The following MBP variants were observed in gnomAD, a reference collection of about 807,000 sequenced individuals.
MBP encodes myelin basic protein, also known as Golli-MBP.
A neutral mutation model predicts 35.8 loss-of-function variants in MBP; 16 were observed. The ratio of observed to expected loss-of-function variants is 0.45; its 90% confidence interval spans 0.30 to 0.68. The LOEUF is 0.68. Ranked by LOEUF, MBP falls within the 30% of genes least tolerant of loss-of-function variation. MBP has a pLI of 0.08. For missense variants in MBP, 380 were observed against 404.7 expected (o/e 0.94, Z 0.52); for synonymous variants, 143 against 159.6 (o/e 0.90, Z 0.78).
At chr18:77,043,634 G>A (rs73486820) in intron 3 of MBP, among the ~76,000 whole-genome samples, 15,811 of 152,250 alleles carry the variant, frequency 0.1, 1,138 homozygotes, top group East Asian at 0.26. Context: ...CAAATGCAGT[G>A]TATGAAATGT....
At chr18:77,040,332 T>C (rs1326469331) in intron 3 of MBP, among the ~76,000 whole-genome samples, 1 of 152,160 alleles carries the variant, frequency 6.6e-6, no homozygotes, top group Non-Finnish European at 1.5e-5. Flanking sequence ...GAAGAATCAA[T>C]ATCGTGAAAA....
intron 1 of MBP, chr18:77,109,480 G>A (rs571525724): frequency 1.3e-5 from 2 of 152,364 alleles, no homozygotes; most frequent in South Asian, 4.1e-4. Context: ...CGCCAGACAA[G>A]TATTCAAATA....
intron 2 of MBP, among the ~76,000 whole-genome samples, chr18:77,104,982 G>T (rs1442234947): frequency 6.6e-6 from 1 of 151,846 alleles, no homozygotes; most frequent in Admixed American, 6.6e-5. Context: ...TGCAAGGTCA[G>T]GATGTACCTA....
At chr18:76,996,100 T>C (rs1970252319) in intron 4 of MBP, among the ~76,000 whole-genome samples, 1 of 152,158 alleles carries the variant, frequency 6.6e-6, no homozygotes, top group Admixed American at 6.5e-5. Flanking sequence ...TTCAGCATCA[T>C]CATTAGCATC....
chr18:77,104,036 A>G (rs1427498505), intron 2 of MBP, among the ~76,000 whole-genome samples: 1 of 152,232 alleles, frequency 6.6e-6, no homozygotes, highest in Non-Finnish European at 1.5e-5. Flanking sequence ...GTTCCCTGAC[A>G]AGGGTTACGA....
At chr18:77,079,492 C>G (rs1430600551) in intron 2 of MBP, among the ~76,000 whole-genome samples, 1 of 152,228 alleles carries the variant, frequency 6.6e-6, no homozygotes, top group Non-Finnish European at 1.5e-5. Context: ...CTTTGCATTT[C>G]CTTACTGGGT....
intron 2 of MBP, among the ~76,000 whole-genome samples, chr18:77,072,200 C>T (rs1163875097): frequency 6.6e-6 from 1 of 152,152 alleles, no homozygotes; most frequent in Non-Finnish European, 1.5e-5. Context: ...CATTTCTATG[C>T]ACAAATCTGA....
chr18:76,993,476 T>C (rs941926271), intron 4 of MBP, among the ~76,000 whole-genome samples: 1 of 148,438 alleles, frequency 6.7e-6, no homozygotes, highest in Admixed American at 7.0e-5. Context: ...CTTGAACCTC[T>C]GAGGCGGAGG....
In MBP at chr18:76,980,166, G is replaced by C. The variant is rs1969097848; in HGVS notation, c.*261C>G. On this transcript the variant is annotated 3_prime_UTR_variant, in exon 9 of 9. Coordinates refer to ENST00000355994, the MANE Select transcript of MBP (RefSeq NM_001025101.2). ...CCCCCTGAAGACCCACGTGCGTCTG[G>C]GGGCACATTGCGGGGGAAGGAACGT... 1 of 640,990 alleles carries C rather than the reference G, an allele frequency of 1.6e-6. No homozygotes were observed. The highest frequency in any genetic ancestry group is 1.8e-5 in the South Asian group (1 of 56,740). The allele number at this position is 640,990 out of a possible 1,614,324, so 39.7% of individuals were successfully genotyped here. A position where few individuals can be genotyped will look rare whatever the true frequency, so the allele number is the denominator to read the frequency against.
intron 2 of MBP, chr18:77,095,416 C>T (rs937144482): frequency 3.3e-5 from 5 of 152,218 alleles, no homozygotes; most frequent in African/African-American, 1.2e-4. Context: ...TGCCAGCACA[C>T]TGCAGTCAGA....
At chr18:77,111,038 C>T (rs947297739) in intron 1 of MBP, among the ~76,000 whole-genome samples, 2 of 152,110 alleles carry the variant, frequency 1.3e-5, no homozygotes, top group Non-Finnish European at 2.9e-5. Flanking sequence ...TGTATTGCCT[C>T]GTGGCTGCTC....
chr18:77,103,370 G>A (rs1047637928), intron 2 of MBP, among the ~76,000 whole-genome samples: 5 of 152,100 alleles, frequency 3.3e-5, no homozygotes, highest in African/African-American at 9.7e-5. Context: ...CCCTCACCCC[G>A]GCCCATCTTC....
At position 76,988,555 on chromosome 18, in the gene MBP, A is replaced by C; in HGVS notation, c.718-28T>G. 2 of 1,604,394 alleles carry C rather than the reference A, an allele frequency of 1.2e-6. No individual in the cohort carries two copies. The highest frequency in any genetic ancestry group is 8.5e-7 in the Non-Finnish European group (1 of 1,174,006). On this transcript the variant is annotated intron_variant, in intron 6 of 8. Transcript: ENST00000355994. This position sits in a 1 kb window ranked among gnomAD's most constrained non-coding sequence, Gnocchi z 5.2. ...GCATGAGGAAGACAGAGAAATAATG[A>C]CATGGTGGTCAGTGAAGGGAAAGTC...
intron 2 of MBP, among the ~76,000 whole-genome samples, chr18:77,084,020 TA>T (rs1555726539): frequency 6.7e-5 from 10 of 148,844 alleles, no homozygotes; most frequent in East Asian, 2.0e-4. Context: ...TTTTTTTTTT[TA>T]AAAAACCCAT....
At chr18:77,057,983 C>T (rs1438888610) in intron 3 of MBP, among the ~76,000 whole-genome samples, 1 of 66,218 alleles carries the variant, frequency 1.5e-5, no homozygotes, top group Non-Finnish European at 2.7e-5. Context: ...CCCGCCACTA[C>T]GCCCGGCTAA....
intron 4 of MBP, among the ~76,000 whole-genome samples, chr18:76,992,608 G>A (rs771911575): frequency 2.0e-5 from 3 of 152,178 alleles, no homozygotes; most frequent in African/African-American, 7.2e-5. Context: ...CCCTAACGTG[G>A]TGAGGCTTCC....
chr18:77,064,124 T>C (rs755840868), intron 3 of MBP, among the ~76,000 whole-genome samples: 7 of 152,252 alleles, frequency 4.6e-5, no homozygotes, highest in Non-Finnish European at 4.4e-5. Flanking sequence ...TACGTCTTTA[T>C]ATATGTAGCT....
rs894492694 is a variant in MBP, at chr18:77,020,485, G to A, written c.140-3217C>T. ...CTCCCGGGACTTAGGATATGGTCCTGTCACTGCTATGACTCATTGCAATGA... is the reference window on the plus strand; with the variant it reads ...CTCCCGGGACTTAGGATATGGTCCTATCACTGCTATGACTCATTGCAATGA... On this transcript the variant is annotated intron_variant, in intron 3 of 8. Coordinates refer to ENST00000355994, the MANE Select transcript of MBP (RefSeq NM_001025101.2). This position sits in a 1 kb window ranked among gnomAD's most constrained non-coding sequence, Gnocchi z 4.1. Among the ~76,000 whole-genome samples, 2 of 152,180 alleles carry A rather than the reference G, an allele frequency of 1.3e-5. No individual in the cohort carries two copies. Among genetic ancestry groups the A allele is most frequent in the African/African-American group, 4.8e-5 (2 of 41,440 alleles).
intron 3 of MBP, among the ~76,000 whole-genome samples, chr18:77,050,277 C>T (rs1043640572): frequency 3.9e-5 from 6 of 152,244 alleles, no homozygotes. Context: ...CTTCTGCTGA[C>T]TGAGGCGCTT....
Sources: allele counts gnomAD v4.1 joint callset (sites outside exome capture counted in the v4.1 genomes callset), GRCh38; gene constraint gnomAD v4.1.1; non-coding constraint Gnocchi (gnomAD v3.1); transcripts MANE v1.5; gene names NCBI Gene and HGNC (gene_info 2026-07-23, HGNC 2026-07-21).